ELMO1: variants seen among roughly 807,000 people sequenced by gnomAD.
ELMO1 encodes the protein engulfment and cell motility protein 1.
ELMO1 carries 26 observed loss-of-function variants against 98.9 expected under a neutral mutation model. That is an observed-to-expected ratio of 0.26 (90% CI 0.19 to 0.36). ELMO1 has a LOEUF of 0.36. Ranked by LOEUF, ELMO1 falls within the 10% of genes least tolerant of loss-of-function variation. The pLI is 1.00. For missense variants in ELMO1, 627 were observed against 935.2 expected, an observed-to-expected ratio of 0.67 and a Z score of 4.30; for synonymous variants, 346 against 346.0, an observed-to-expected ratio of 1.00 and a Z score of 0.00.
At chr7:37,132,274 C>T (rs965001509) in intron 14 of ELMO1, among the ~76,000 whole-genome samples, 1 of 152,172 alleles carries the variant, frequency 6.6e-6, no homozygotes, top group East Asian at 1.9e-4. Flanking sequence ...TTAAGTTCAG[C>T]CTTACTCTTC....
intron 2 of ELMO1, among the ~76,000 whole-genome samples, chr7:37,334,943 A>G (rs927108342): frequency 1.3e-5 from 2 of 152,152 alleles, no homozygotes; most frequent in East Asian, 3.8e-4. Context: ...AATGAAGACC[A>G]CCAGTGTTTT....
chr7:36,963,736 TCAGTTAGTTATG>T (rs1286281950), intron 16 of ELMO1, among the ~76,000 whole-genome samples: 2 of 152,208 alleles, frequency 1.3e-5, no homozygotes, highest in African/African-American at 4.8e-5. Flanking sequence ...CAATGTGTCT[TCAGTTAGTTATG>T]CAGAACACCT....
intron 19 of ELMO1, 107 bp downstream of exon 19, chr7:36,877,903 G>A (rs944678988): frequency 3.7e-6 from 3 of 810,530 alleles, no homozygotes; most frequent in African/African-American, 1.7e-5. Flanking sequence ...TAGATGAGAT[G>A]TGTTCAAAGG....
chr7:37,078,567 G>A (rs1222370243), intron 15 of ELMO1, among the ~76,000 whole-genome samples: 1 of 152,168 alleles, frequency 6.6e-6, no homozygotes, highest in Non-Finnish European at 1.5e-5. Context: ...GCTCTGTGAA[G>A]TGCAAATGCT....
At chr7:37,165,284 A>T (rs1036045784) in intron 13 of ELMO1, among the ~76,000 whole-genome samples, 26 of 152,126 alleles carry the variant, frequency 1.7e-4, no homozygotes, top group Admixed American at 3.3e-4. Context: ...ATCTGCAAAC[A>T]GGGACAATTT....
At chr7:37,013,235 G>T in intron 16 of ELMO1, 64 bp downstream of exon 16, 1 of 1,592,180 alleles carries the variant, frequency 6.3e-7, no homozygotes. Flanking sequence ...ACAGCCAAGG[G>T]ACCATGCAGC....
chr7:36,900,041 T>C (rs750811962), intron 16 of ELMO1, among the ~76,000 whole-genome samples: 36 of 152,294 alleles, frequency 2.4e-4, no homozygotes, highest in Admixed American at 1.1e-3. Context: ...CACACTTGCA[T>C]CAGCTGGCCA....
At chr7:36,909,585 T>C (rs1784205576) in intron 16 of ELMO1, among the ~76,000 whole-genome samples, 1 of 152,224 alleles carries the variant, frequency 6.6e-6, no homozygotes. Flanking sequence ...TCTTTTTTCG[T>C]GTGTGTGGGT....
At chr7:37,404,313 T>A (rs970480796) in intron 1 of ELMO1, among the ~76,000 whole-genome samples, 2 of 151,968 alleles carry the variant, frequency 1.3e-5, no homozygotes, top group African/African-American at 4.8e-5. Flanking sequence ...GGCAGGCCTC[T>A]CCCATGCACA....
intron 13 of ELMO1, among the ~76,000 whole-genome samples, chr7:37,133,874 A>G (rs913839565): frequency 1.2e-4 from 18 of 152,232 alleles, no homozygotes; most frequent in Admixed American, 6.5e-5. Context: ...ACAGAACCCC[A>G]AAGATTAAAT....
intron 13 of ELMO1, among the ~76,000 whole-genome samples, chr7:37,150,675 T>C (rs1290419663): frequency 6.6e-6 from 1 of 152,178 alleles, no homozygotes. Context: ...ATTAGCAGTA[T>C]CAAGACAAAG....
chr7:36,900,285 G>T (rs1434579308), intron 16 of ELMO1, among the ~76,000 whole-genome samples: 1 of 152,174 alleles, frequency 6.6e-6, no homozygotes, highest in Non-Finnish European at 1.5e-5. Context: ...CTAGTTATTG[G>T]TGTACATTTC....
chr7:37,209,400 G>A (rs181847982), intron 13 of ELMO1, among the ~76,000 whole-genome samples: 6 of 152,260 alleles, frequency 3.9e-5, no homozygotes, highest in East Asian at 1.9e-4. Context: ...CATGCATCCC[G>A]GAGGCAGCAC....
intron 15 of ELMO1, among the ~76,000 whole-genome samples, chr7:37,057,539 C>A (rs541709317): frequency 1.3e-5 from 2 of 152,316 alleles, no homozygotes; most frequent in East Asian, 1.9e-4. Flanking sequence ...GAGCTTTGTT[C>A]TTTACAAGGC....
intron 2 of ELMO1, among the ~76,000 whole-genome samples, chr7:37,321,722 A>AAAAAAAC (rs1799512393): frequency 1.5e-5 from 1 of 68,946 alleles, no homozygotes; most frequent in African/African-American, 4.3e-5. Context: ...GTCTCAAAAA[A>AAAAAAAC]AAAAAAAAAA....
chr7:36,903,874 C>T (rs535365022), intron 16 of ELMO1, among the ~76,000 whole-genome samples: 44 of 152,342 alleles, frequency 2.9e-4, no homozygotes, highest in African/African-American at 9.1e-4. Context: ...CCCGACAGCA[C>T]GGATAGGATT....
At chr7:37,419,947 T>C (rs1312982909) in intron 1 of ELMO1, among the ~76,000 whole-genome samples, 1 of 152,242 alleles carries the variant, frequency 6.6e-6, no homozygotes, top group African/African-American at 2.4e-5. Flanking sequence ...GCATTTTCCC[T>C]TGCACAAAAC....
chr7:37,387,475 T>C (rs1172418570), intron 1 of ELMO1, among the ~76,000 whole-genome samples: 1 of 152,256 alleles, frequency 6.6e-6, no homozygotes, highest in Non-Finnish European at 1.5e-5. Context: ...ACCAGTCATA[T>C]TGGATTAGGG....
chr7:37,439,173 A>T (rs1048998789), intron 1 of ELMO1, among the ~76,000 whole-genome samples: 1 of 152,096 alleles, frequency 6.6e-6, no homozygotes, highest in Non-Finnish European at 1.5e-5. Context: ...CATCTAATCT[A>T]TCCTCCAGGT....
Sources: allele counts gnomAD v4.1 joint callset (sites outside exome capture counted in the v4.1 genomes callset), GRCh38; gene constraint gnomAD v4.1.1; transcripts MANE v1.5; gene names NCBI Gene and HGNC (gene_info 2026-07-23, HGNC 2026-07-21).